Variants in SORBS2 observed in about 807,000 individuals in gnomAD.
SORBS2 encodes the protein sorbin and SH3 domain-containing protein 2.
A neutral mutation model predicts 97.7 loss-of-function variants in SORBS2; 46 were observed. The observed-to-expected ratio is 0.47, with a 90% CI of 0.37 to 0.60. The LOEUF is 0.60. Among genes scored for constraint, SORBS2 ranks in the 20% least tolerant of loss-of-function variants. The pLI, the probability that SORBS2 is intolerant of heterozygous loss-of-function variation, is 0.00. For synonymous variants in SORBS2, 476 were observed against 473.4 expected, an observed-to-expected ratio of 1.01 and a Z score of -0.07; for missense variants, 1,316 against 1,282.3, an observed-to-expected ratio of 1.03 and a Z score of -0.40.
intron 1 of SORBS2, among the ~76,000 whole-genome samples, chr4:185,929,997 T>C (rs1359017939): frequency 6.6e-6 from 1 of 152,156 alleles, no homozygotes; most frequent in African/African-American, 2.4e-5. Context: ...CTGCACGATG[T>C]GGTTGTGAGG....
intron 1 of SORBS2, among the ~76,000 whole-genome samples, chr4:185,813,356 C>T (rs116664648): frequency 0.012 from 1,806 of 152,196 alleles, 39 homozygotes; most frequent in African/African-American, 0.041. Flanking sequence ...TGGGGATGCC[C>T]GCTCCCCTTC....
chr4:185,660,996 C>T (rs577234400), upstream of SORBS2, among the ~76,000 whole-genome samples: 3 of 151,998 alleles, frequency 2.0e-5, no homozygotes, highest in Non-Finnish European at 2.9e-5. Context: ...ATTTATGGGC[C>T]GGGCACGGTG....
intron 4 of SORBS2, among the ~76,000 whole-genome samples, chr4:185,667,857 G>A (rs577619297): frequency 3.3e-5 from 5 of 151,488 alleles, no homozygotes; most frequent in African/African-American, 4.8e-5. Flanking sequence ...AATCTTATTG[G>A]AGGTGAAACT....
intron 2 of SORBS2, among the ~76,000 whole-genome samples, chr4:185,690,930 G>T (rs181385103): frequency 6.7e-6 from 1 of 150,184 alleles, no homozygotes; most frequent in Non-Finnish European, 1.5e-5. Context: ...GACAGAGTCC[G>T]CCACTGTCGC....
chr4:185,834,938 C>A (rs966056602), intron 1 of SORBS2, among the ~76,000 whole-genome samples: 3 of 152,106 alleles, frequency 2.0e-5, no homozygotes, highest in South Asian at 2.1e-4. Flanking sequence ...GAATTGTAAT[C>A]CCCCGTGTTA....
intron 1 of SORBS2, among the ~76,000 whole-genome samples, chr4:185,882,282 T>C (rs1366182399): frequency 6.6e-6 from 1 of 152,186 alleles, no homozygotes; most frequent in Non-Finnish European, 1.5e-5. Context: ...CAAAAGTCCA[T>C]TGTATTTCTA....
chr4:185,647,788 C>T (rs958695707), intron 3 of SORBS2, among the ~76,000 whole-genome samples: 5 of 152,158 alleles, frequency 3.3e-5, no homozygotes, highest in Admixed American at 6.5e-5. Flanking sequence ...ATGTGTTGTT[C>T]TTCCTTGCAG....
chr4:185,754,094 C>T (rs1350646712), intron 2 of SORBS2, among the ~76,000 whole-genome samples: 2 of 152,052 alleles, frequency 1.3e-5, no homozygotes, highest in Non-Finnish European at 2.9e-5. Context: ...ATGGTATATA[C>T]ACACCATGGA....
At chr4:185,877,973 G>C (rs1316331884) in intron 1 of SORBS2, among the ~76,000 whole-genome samples, 1 of 151,536 alleles carries the variant, frequency 6.6e-6, no homozygotes, top group Non-Finnish European at 1.5e-5. Flanking sequence ...TATCCTAAAA[G>C]GCATAACATT....
chr4:185,909,307 G>T (rs941454235), intron 1 of SORBS2, among the ~76,000 whole-genome samples: 2 of 152,190 alleles, frequency 1.3e-5, no homozygotes, highest in African/African-American at 4.8e-5. Flanking sequence ...AATACTTTAT[G>T]TTCTCACTTG....
intron 1 of SORBS2, among the ~76,000 whole-genome samples, chr4:185,779,808 C>G (rs2099018499): frequency 6.6e-6 from 1 of 152,064 alleles, no homozygotes; most frequent in Non-Finnish European, 1.5e-5. Context: ...TTCTCTTAGT[C>G]AAATATTTTA....
At chr4:185,721,952 T>C (rs983086621) in intron 2 of SORBS2, among the ~76,000 whole-genome samples, 1 of 152,188 alleles carries the variant, frequency 6.6e-6, no homozygotes, top group African/African-American at 2.4e-5. Context: ...CTTCTCAATA[T>C]GTAGCAAAAT....
intron 1 of SORBS2, among the ~76,000 whole-genome samples, chr4:185,920,411 G>A (rs777677524): frequency 3.9e-5 from 6 of 152,302 alleles, no homozygotes; most frequent in African/African-American, 7.2e-5. Flanking sequence ...ACTGGAGACC[G>A]TCAAGGTACA....
At chr4:185,926,477 A>G (rs1176768254) in intron 1 of SORBS2, among the ~76,000 whole-genome samples, 1 of 151,834 alleles carries the variant, frequency 6.6e-6, no homozygotes, top group East Asian at 1.9e-4. Context: ...ACACTCATAT[A>G]TAAATGATGG....
chr4:185,672,743 T>A (rs1335602143), intron 4 of SORBS2, among the ~76,000 whole-genome samples: 3 of 152,230 alleles, frequency 2.0e-5, no homozygotes, highest in African/African-American at 7.2e-5. Flanking sequence ...TGTACTTTTA[T>A]CGCTTGGACC....
intron 1 of SORBS2, among the ~76,000 whole-genome samples, chr4:185,840,984 A>T (rs566171407): frequency 6.6e-6 from 1 of 152,154 alleles, no homozygotes; most frequent in South Asian, 2.1e-4. Context: ...GGCAGGTAGC[A>T]CCTGAGCCAT....
intron 12 of SORBS2, among the ~76,000 whole-genome samples, chr4:185,608,698 G>A (rs10009239): frequency 0.62 from 94,084 of 151,530 alleles, 29,907 homozygotes; most frequent in African/African-American, 0.75. Context: ...ATTGGAATAC[G>A]TTTATCTACC....
chr4:185,722,413 C>T (rs2153561486), intron 2 of SORBS2, among the ~76,000 whole-genome samples: 1 of 152,226 alleles, frequency 6.6e-6, no homozygotes, highest in Non-Finnish European at 1.5e-5. Flanking sequence ...TAAAAAGTGG[C>T]ATTATTTGGA....
chr4:185,611,826 G>A, exon 12 of SORBS2: 5 of 1,614,054 alleles, frequency 3.1e-6, no homozygotes, highest in Non-Finnish European at 4.2e-6. Context: ...ATAGCTGTGG[G>A]GTATTGGAGG....
Sources: allele counts gnomAD v4.1 joint callset (sites outside exome capture counted in the v4.1 genomes callset), GRCh38; gene constraint gnomAD v4.1.1; transcripts MANE v1.5; gene names NCBI Gene and HGNC (gene_info 2026-07-23, HGNC 2026-07-21).